KIAA0753: variants seen among roughly 807,000 people sequenced by gnomAD.
KIAA0753 encodes protein moonraker.
A neutral mutation model predicts 116.9 loss-of-function variants in KIAA0753; 114 were observed. The ratio of observed to expected loss-of-function variants is 0.98; its 90% CI spans 0.84 to 1.14. The LOEUF is 1.14. Among genes scored for constraint, KIAA0753 ranks in the 50% most tolerant of loss-of-function variants. KIAA0753 has a pLI of 0.00. For synonymous variants in KIAA0753, 405 were observed against 413.1 expected (o/e 0.98, Z 0.24); for missense variants, 1,156 against 1,172.4 (o/e 0.99, Z 0.20).
intron 3 of KIAA0753, among the ~76,000 whole-genome samples, chr17:6,625,543 T>C (rs1971611091): frequency 6.6e-6 from 1 of 151,198 alleles, no homozygotes; most frequent in Non-Finnish European, 1.5e-5. Context: ...GGTGTGCACC[T>C]GTAATCCCAG....
rs77973220 is a variant in KIAA0753, at chr17:6,601,209, T to G, written c.2010-751A>C. 7.9e-3 allele frequency among the ~76,000 whole-genome samples: 1,200 copies of G among 152,208 alleles called. 8 individuals are homozygous for G. The highest frequency in any genetic ancestry group is 0.012 in the Non-Finnish European group (831 of 68,002). ...ACTGACGACAACAGCCAAATGATGT[T>G]TGAGAAATTAAGACTCCTAGATCCC... is the stretch of plus-strand genomic sequence containing the variant. On this transcript the variant is annotated intron_variant, in intron 12 of 18. Coordinates refer to ENST00000361413, the MANE Select transcript of KIAA0753 (RefSeq NM_014804.3).
chr17:6,612,676 T>C (rs1970633086), intron 7 of KIAA0753, among the ~76,000 whole-genome samples: 2 of 152,224 alleles, frequency 1.3e-5, no homozygotes, highest in Admixed American at 6.5e-5. Flanking sequence ...GAGGCCAGCC[T>C]GGCCAACATG....
intron 12 of KIAA0753, among the ~76,000 whole-genome samples, chr17:6,604,709 T>C (rs1397512887): frequency 3.3e-5 from 5 of 152,004 alleles, no homozygotes; most frequent in Admixed American, 3.3e-4. Flanking sequence ...GAAGGTTCTG[T>C]ATCTCGACTA....
intron 2 of KIAA0753, among the ~76,000 whole-genome samples, chr17:6,632,832 A>G (rs1972091398): frequency 6.6e-6 from 1 of 152,146 alleles, no homozygotes; most frequent in Non-Finnish European, 1.5e-5. Context: ...TTGAGAGAAA[A>G]TCCACAAATA....
chr17:6,588,007 A>T (rs1968711031), intron 18 of KIAA0753, among the ~76,000 whole-genome samples: 1 of 152,122 alleles, frequency 6.6e-6, no homozygotes, highest in Admixed American at 6.5e-5. Flanking sequence ...CCTATAAAAC[A>T]TCGTGAAGGC....
At chr17:6,638,639 C>T (rs1428072496) in intron 1 of KIAA0753, 1 of 153,626 alleles carries the variant, frequency 6.5e-6, no homozygotes, top group African/African-American at 2.4e-5. Context: ...GGGCTCAGAA[C>T]ATTCCCACTA....
chr17:6,628,215 T>C lies in KIAA0753; in HGVS notation c.620A>G (p.His207Arg). ...GCTTTTCTGTTCACTTATGTTTTTG[T>C]GGTCACCTATCCTGGGATGAGGCTG... ...GLQPHPRIGD[H>R]KNISEQKSLL... is the part of the protein sequence containing the mutation. The change falls in exon 3 of 19, where the codon CAC becomes CGC. Residue 207 changes from histidine (H) to arginine (R), a missense_variant. Physicochemically the swap from His to Arg is conservative, Grantham distance 29. Coordinates refer to ENST00000361413, the MANE Select transcript of KIAA0753 (RefSeq NM_014804.3). 6.2e-7 allele frequency: 1 copy of C among 1,614,252 alleles called. No homozygotes were observed. Among genetic ancestry groups the C allele is most frequent in the Non-Finnish European group, 8.5e-7 (1 of 1,180,042 alleles).
chr17:6,627,306 C>A (rs1234987952), intron 3 of KIAA0753, among the ~76,000 whole-genome samples: 2 of 152,064 alleles, frequency 1.3e-5, no homozygotes, highest in African/African-American at 4.8e-5. Flanking sequence ...TTATCTTATT[C>A]AATCACAGGT....
At chr17:6,593,098 A>T (rs751714940) in intron 16 of KIAA0753, among the ~76,000 whole-genome samples, 9 of 152,216 alleles carry the variant, frequency 5.9e-5, no homozygotes, top group African/African-American at 1.2e-4. Context: ...ACAACAAAAC[A>T]AACAAAAACA....
chr17:6,589,342 C>T (rs1018158648), intron 18 of KIAA0753, among the ~76,000 whole-genome samples: 10 of 152,226 alleles, frequency 6.6e-5, no homozygotes, highest in African/African-American at 2.4e-4. Flanking sequence ...TCGACAGACA[C>T]TCAATCTGCC....
intron 2 of KIAA0753, among the ~76,000 whole-genome samples, chr17:6,632,184 G>C (rs903778476): frequency 6.6e-6 from 1 of 152,152 alleles, no homozygotes; most frequent in Non-Finnish European, 1.5e-5. Flanking sequence ...TTACAGGCAT[G>C]AGCCACAACG....
chr17:6,606,913 C>G lies in KIAA0753; in HGVS notation c.1969G>C (p.Glu657Gln). The change falls in exon 12 of 19, where the codon GAG becomes CAG. Residue 657 changes from glutamate to glutamine, a missense_variant. By Grantham distance (29) the Glu-to-Gln change is conservative (BLOSUM62 2). Coordinates refer to ENST00000361413, the MANE Select transcript of KIAA0753 (RefSeq NM_014804.3). ...CTATACATTTCTTCAGCTTTGAGCT[C>G]ATTCAGTTCCTTTGTTCTTCTAGAA... ...ETSRRTKELN[E>Q]LKAEEMYRLQ... 6.2e-7 allele frequency: 1 copy of G among 1,614,096 alleles called. No individual in the cohort carries two copies. The highest frequency in any genetic ancestry group is 8.5e-7 in the Non-Finnish European group (1 of 1,180,000).
In KIAA0753 at chr17:6,628,102, T is replaced by C; in HGVS notation, c.718+15A>G. 6.2e-7 allele frequency: 1 copy of C among 1,600,524 alleles called. No individual in the cohort carries two copies. Among genetic ancestry groups the C allele is most frequent in the South Asian group, 1.1e-5 (1 of 88,996 alleles). On this transcript the variant is annotated intron_variant, in intron 3 of 18. Transcript: ENST00000361413. ...CACAGCCTTAGGTCGAAGTAAAGAA[T>C]CTAATTTTTCTCACCTTTTTTAGTT... is the stretch of plus-strand genomic sequence containing the variant.
intron 3 of KIAA0753, among the ~76,000 whole-genome samples, chr17:6,625,888 G>C (rs1971636169): frequency 6.6e-6 from 1 of 152,096 alleles, no homozygotes; most frequent in Non-Finnish European, 1.5e-5. Context: ...CTTTAGTAGA[G>C]ACAAGGTTTT....
chr17:6,633,341 A>G (rs4141282), intron 2 of KIAA0753, among the ~76,000 whole-genome samples: 18,076 of 151,736 alleles, frequency 0.12, 1,671 homozygotes, highest in East Asian at 0.36. Context: ...GTACACCACG[A>G]TAAGATATTA....
At chr17:6,611,483 A>C (rs1274409809) in intron 8 of KIAA0753, among the ~76,000 whole-genome samples, 2 of 152,052 alleles carry the variant, frequency 1.3e-5, no homozygotes, top group African/African-American at 4.8e-5. Flanking sequence ...TTTTTAGTAG[A>C]GATGGGGTCT....
Position 6,611,940 on chromosome 17 carries a change from A to G in KIAA0753, c.1524T>C (p.Thr508=), listed in dbSNP as rs574508693. The G allele has an allele frequency of 1.2e-6, 2 of 1,613,912 alleles. No homozygotes were observed. The highest frequency in any genetic ancestry group is 1.3e-5 in the African/African-American group (1 of 74,968). The change falls in exon 8 of 19, where the codon ACT becomes ACC. Residue 508 remains threonine (T), a synonymous_variant. Coordinates refer to ENST00000361413, the MANE Select transcript of KIAA0753 (RefSeq NM_014804.3). ...TENVPFRKKD[T]LAPARQQGLR... is the part of the protein sequence containing the mutation. ...ATACTTGCTGTCTTGCTGGCGCCAG[A>G]GTATCTTTCTTCCTAAACGGCACAT...
chr17:6,591,049 A>AGAAG (rs1555524031), intron 16 of KIAA0753, among the ~76,000 whole-genome samples: 166 of 29,558 alleles, frequency 5.6e-3, no homozygotes, highest in Non-Finnish European at 0.011. Context: ...AGGAAGAAGA[A>AGAAG]GAAGAAGAAG....
chr17:6,618,083 C>T (rs551134166), intron 7 of KIAA0753, among the ~76,000 whole-genome samples: 17 of 151,668 alleles, frequency 1.1e-4, no homozygotes, highest in African/African-American at 3.9e-4. Flanking sequence ...GCCTGGGCAA[C>T]GAGAGCGAGA....
Sources: gnomAD v4.1 joint callset for allele counts (sites outside exome capture counted in the v4.1 genomes callset) on GRCh38, gnomAD v4.1.1 for gene constraint, MANE v1.5 for transcripts, NCBI Gene and HGNC (gene_info 2026-07-23, HGNC 2026-07-21) for gene names.